Variants in ARFGEF1 observed in about 807,000 individuals in gnomAD.
ARFGEF1 encodes the protein ARF guanine nucleotide exchange factor 1.
Under a neutral mutation model 231.0 loss-of-function variants are expected in ARFGEF1, and 42 were observed. The observed-to-expected ratio is 0.18, with a 90% CI of 0.14 to 0.24. ARFGEF1 has a LOEUF of 0.24. Among genes scored for constraint, ARFGEF1 ranks in the 10% least tolerant of loss-of-function variants. The probability of loss-of-function intolerance (pLI) is 1.00; values close to 1 mark genes in which losing one functional copy is unlikely to be tolerated. For synonymous variants in ARFGEF1, 710 were observed against 732.3 expected, an observed-to-expected ratio of 0.97 and a Z score of 0.49; for missense variants, 1,345 against 2,192.0, an observed-to-expected ratio of 0.61 and a Z score of 7.72.
intron 20 of ARFGEF1, 72 bp from the exon 21 acceptor site, chr8:67,238,965 T>A: frequency 1.7e-6 from 2 of 1,148,918 alleles, no homozygotes; most frequent in Non-Finnish European, 1.2e-6. Context: ...ACCAACAAAC[T>A]CTGTTTACTT....
At chr8:67,327,403 C>T (rs1223640972) in intron 1 of ARFGEF1, among the ~76,000 whole-genome samples, 2 of 150,052 alleles carry the variant, frequency 1.3e-5, no homozygotes, top group Non-Finnish European at 1.5e-5. Flanking sequence ...CTGCAACCTT[C>T]GCCTCCCAGG....
At chr8:67,283,419 T>A (rs1403743710) in intron 7 of ARFGEF1, among the ~76,000 whole-genome samples, 1 of 152,162 alleles carries the variant, frequency 6.6e-6, no homozygotes, top group Non-Finnish European at 1.5e-5. Context: ...TGAATGGATA[T>A]AGTTTAATAT....
At chr8:67,177,174 G>A (rs1831897748) in intron 5 of ARFGEF1, among the ~76,000 whole-genome samples, 1 of 151,556 alleles carries the variant, frequency 6.6e-6, no homozygotes, top group South Asian at 2.1e-4. Context: ...TTCGCAGCTT[G>A]TTTATTTTCA....
intron 2 of ARFGEF1, 54 bp downstream of exon 2, chr8:67,302,382 C>G: frequency 1.4e-6 from 2 of 1,434,826 alleles, no homozygotes; most frequent in Non-Finnish European, 1.9e-6. Context: ...TTATTTTGAC[C>G]AAGACTGACA....
chr8:67,291,841 G>T lies in ARFGEF1; in HGVS notation c.916+6C>A, dbSNP rs762358862. On this transcript the variant is annotated splice_donor_region_variant and intron_variant, in intron 6 of 38. Coordinates refer to ENST00000262215, the MANE Select transcript of ARFGEF1 (RefSeq NM_006421.5). ...ACACCCCAAACCCCCTTTTCAAGAA[G>T]ATTACTTTCAGCTGCAGTTGCCTGA... The T allele has an allele frequency of 1.5e-5, 24 of 1,611,342 alleles. No individual in the cohort carries two copies. Among genetic ancestry groups the T allele is most frequent in the Non-Finnish European group, 1.9e-5 (22 of 1,178,292 alleles).
intron 4 of ARFGEF1, among the ~76,000 whole-genome samples, chr8:67,297,563 A>G (rs1436741804): frequency 6.6e-6 from 1 of 152,140 alleles, no homozygotes; most frequent in Non-Finnish European, 1.5e-5. Flanking sequence ...TGGGCAACAG[A>G]GTGAGACTGT....
chr8:67,300,707 G>A (rs186175264), intron 3 of ARFGEF1, among the ~76,000 whole-genome samples: 1 of 150,626 alleles, frequency 6.6e-6, no homozygotes, highest in Non-Finnish European at 1.5e-5. Context: ...AGCTGGGCAT[G>A]GTTACACACA....
intron 5 of ARFGEF1, among the ~76,000 whole-genome samples, chr8:67,296,139 T>C (rs1587248533): frequency 6.6e-6 from 1 of 152,198 alleles, no homozygotes; most frequent in African/African-American, 2.4e-5. Flanking sequence ...TCTACTAAGT[T>C]TGAATGCAAT....
intron 4 of ARFGEF1, 38 bp from the exon 5 acceptor site, chr8:67,296,648 C>T (rs1563897410): frequency 9.4e-6 from 14 of 1,486,750 alleles, no homozygotes; most frequent in South Asian, 2.6e-5. Flanking sequence ...AAGAGATTTT[C>T]TTTTTCTTTT....
Position 67,224,807 on chromosome 8 carries a change from A to G in ARFGEF1, c.4208+96T>C, listed in dbSNP as rs924094112. 18 of 778,828 alleles carry G rather than the reference A, an allele frequency of 2.3e-5. No homozygotes were observed. In the African/African-American group the frequency reaches 2.9e-4, roughly 12 times the overall value. The allele number at this position is 778,828 out of a possible 1,614,324, so 48.2% of individuals were successfully genotyped here. On this transcript the variant is annotated intron_variant, in intron 29 of 38. Coordinates refer to ENST00000262215, the MANE Select transcript of ARFGEF1 (RefSeq NM_006421.5). ...TATATTTGACAAAACACTTGATTTTATGGTCTTTAACTGTGAGATTGTGTT... is the reference window on the plus strand; with the variant it reads ...TATATTTGACAAAACACTTGATTTTGTGGTCTTTAACTGTGAGATTGTGTT...
At chr8:67,195,613 C>T (rs969965795), downstream of ARFGEF1, 1 of 1,602,348 alleles carries the variant, frequency 6.2e-7, no homozygotes, top group Non-Finnish European at 8.5e-7. Context: ...GTACTGGACC[C>T]AGTAGTGCCT....
chr8:67,206,550 TCAA>T (rs1442297408), intron 34 of ARFGEF1, among the ~76,000 whole-genome samples: 1 of 152,146 alleles, frequency 6.6e-6, no homozygotes, highest in African/African-American at 2.4e-5. Context: ...ACACATTTGT[TCAA>T]CAGGGCGTTT....
At chr8:67,235,534 A>T (rs1352860626) in intron 22 of ARFGEF1, among the ~76,000 whole-genome samples, 1 of 152,190 alleles carries the variant, frequency 6.6e-6, no homozygotes, top group Non-Finnish European at 1.5e-5. Context: ...ATCTCTTGAA[A>T]GACCAGCATG....
At position 67,251,359 on chromosome 8, in the gene ARFGEF1, G is replaced by A; in HGVS notation, c.2790C>T (p.Ser930=). The part of the protein sequence containing the change: ...KTAKALMEAV[S]HVQAPFTSAT... The stretch of plus-strand genomic sequence containing the variant: ...CACTTGTAAAGGGTGCCTGAACATG[G>A]CTCACGGCCTCCATGAGTGCTTTAG... Residue 930 remains serine (S), a synonymous_variant, in exon 19 of 39, where the codon AGC becomes AGT. Coordinates refer to ENST00000262215, the MANE Select transcript of ARFGEF1 (RefSeq NM_006421.5). 6.2e-7 allele frequency: 1 copy of A among 1,612,490 alleles called. No individual in the cohort carries two copies. Among genetic ancestry groups the A allele is most frequent in the Non-Finnish European group, 8.5e-7 (1 of 1,179,076 alleles).
chr8:67,333,139 G>A (rs1258054535), intron 1 of ARFGEF1, among the ~76,000 whole-genome samples: 4 of 151,156 alleles, frequency 2.6e-5, no homozygotes, highest in African/African-American at 9.7e-5. Flanking sequence ...GGGATCAAGC[G>A]ATTCTCCTGC....
At chr8:67,295,019 G>C (rs904573872) in intron 5 of ARFGEF1, among the ~76,000 whole-genome samples, 3 of 152,072 alleles carry the variant, frequency 2.0e-5, no homozygotes, top group Non-Finnish European at 4.4e-5. Flanking sequence ...CAAGGACACA[G>C]GGCCAAAAGT....
At chr8:67,203,360 C>T (rs1245217875) in intron 35 of ARFGEF1, 109 bp from the exon 36 acceptor site, 3 of 1,253,238 alleles carry the variant, frequency 2.4e-6, no homozygotes, top group Non-Finnish European at 3.4e-6. Context: ...CACAGATACT[C>T]AGCTTGATCT....
intron 33 of ARFGEF1, among the ~76,000 whole-genome samples, chr8:67,211,832 C>G (rs1291179060): frequency 6.6e-6 from 1 of 152,162 alleles, no homozygotes; most frequent in Non-Finnish European, 1.5e-5. Flanking sequence ...CTGAAACCAT[C>G]CAACAGCAAC....
chr8:67,331,613 T>C (rs1394802782), intron 1 of ARFGEF1, among the ~76,000 whole-genome samples: 1 of 152,018 alleles, frequency 6.6e-6, no homozygotes, highest in Non-Finnish European at 1.5e-5. Context: ...CAGACTAAGA[T>C]ATACTCTAAT....
Sources: allele counts gnomAD v4.1 joint callset (sites outside exome capture counted in the v4.1 genomes callset), GRCh38; gene constraint gnomAD v4.1.1; transcripts MANE v1.5; gene names NCBI Gene and HGNC (gene_info 2026-07-23, HGNC 2026-07-21).